HSDL2: variants seen among roughly 807,000 people sequenced by gnomAD.
HSDL2 encodes hydroxysteroid dehydrogenase like 2.
HSDL2 carries 27 observed loss-of-function variants against 46.3 expected under a neutral mutation model. The observed-to-expected ratio is 0.58, with a 90% confidence interval of 0.43 to 0.80. The LOEUF (loss-of-function observed/expected upper bound fraction) is 0.80. HSDL2 is among the 30% of genes least tolerant of loss of function. The probability of loss-of-function intolerance (pLI) is 0.00; values close to 1 mark genes in which losing one functional copy is unlikely to be tolerated. For missense variants in HSDL2, 451 were observed against 502.7 expected (o/e 0.90, Z 0.98); for synonymous variants, 153 against 163.6 (o/e 0.94, Z 0.50).
At chr9:112,421,704 T>TA (rs36065668) in intron 6 of HSDL2, among the ~76,000 whole-genome samples, 13 of 152,298 alleles carry the variant, frequency 8.5e-5, no homozygotes, top group African/African-American at 1.2e-4. Context: ...CCGGCCTTAT[T>TA]ACATTTTTGA....
intron 1 of HSDL2, among the ~76,000 whole-genome samples, chr9:112,395,577 A>C (rs1326952113): frequency 6.6e-6 from 1 of 152,266 alleles, no homozygotes; most frequent in Non-Finnish European, 1.5e-5. Flanking sequence ...TTATTGATAG[A>C]TGGTACAGTA....
intron 1 of HSDL2, among the ~76,000 whole-genome samples, chr9:112,385,609 C>T (rs1037907924): frequency 1.3e-5 from 2 of 152,028 alleles, no homozygotes; most frequent in African/African-American, 2.4e-5. Flanking sequence ...GCTTCAGCCT[C>T]CCGAGTAGCT....
chr9:112,448,788 T>G (rs1046975542), intron 8 of HSDL2, among the ~76,000 whole-genome samples: 2 of 152,096 alleles, frequency 1.3e-5, no homozygotes, highest in African/African-American at 4.8e-5. Flanking sequence ...ATCTCCTGAC[T>G]TCATGATCCA....
chr9:112,426,922 A>G (rs4978490), intron 6 of HSDL2, among the ~76,000 whole-genome samples: 42,008 of 152,090 alleles, frequency 0.28, 5,965 homozygotes, highest in Middle Eastern at 0.39. Flanking sequence ...AGAGTAGTAC[A>G]TCACGTACTA....
Position 112,403,977 on chromosome 9 carries a change from G to A in HSDL2, c.18-18G>A, listed in dbSNP as rs199661719. The A allele has an allele frequency of 3.2e-5, 52 of 1,609,648 alleles. No homozygotes were observed. The highest frequency in any genetic ancestry group is 4.0e-5 in the African/African-American group (3 of 74,766). ...AAACATTGGGTCTTCTAATAAGGTC[G>A]TATTTGTTCTGTTGTAGGAGGCTGG... On this transcript the variant is annotated intron_variant, in intron 1 of 10. Coordinates refer to ENST00000398805, the MANE Select transcript of HSDL2 (RefSeq NM_032303.5).
intron 1 of HSDL2, among the ~76,000 whole-genome samples, chr9:112,394,074 A>G (rs1831405763): frequency 6.6e-6 from 1 of 152,214 alleles, no homozygotes; most frequent in Non-Finnish European, 1.5e-5. Context: ...AAGAATTATC[A>G]TAATGCCAAT....
At chr9:112,405,862 T>G (rs775890870) in intron 3 of HSDL2, 140 bp downstream of exon 3, 12 of 596,706 alleles carry the variant, frequency 2.0e-5, no homozygotes, top group Non-Finnish European at 3.2e-5. Context: ...AGAACATGAT[T>G]TAAAACCATC....
chr9:112,435,812 A>G (rs1832511766), intron 6 of HSDL2, among the ~76,000 whole-genome samples: 1 of 152,036 alleles, frequency 6.6e-6, no homozygotes, highest in South Asian at 2.1e-4. Flanking sequence ...AGCTCACTGC[A>G]GCCTCAAATT....
intron 7 of HSDL2, 170 bp downstream of exon 7, chr9:112,438,795 G>T (rs1317036250): frequency 2.1e-6 from 1 of 472,142 alleles, no homozygotes; most frequent in African/African-American, 2.0e-5. Context: ...TAAAAAAAAA[G>T]ATGAATGAAA....
intron 1 of HSDL2, among the ~76,000 whole-genome samples, chr9:112,403,723 T>C (rs1831659217): frequency 6.6e-6 from 1 of 152,232 alleles, no homozygotes; most frequent in Admixed American, 6.5e-5. Context: ...TATAATTCTT[T>C]ATTTCTCTTG....
rs574797844 is a variant in HSDL2 at position 112,422,734 on chromosome 9, C to T, written c.598+3776C>T. ...CAGTTCCCTTGAGCTGAAGAAAGAC[C>T]GATATGGATGTAAACTAAAAGGTTT... On this transcript the variant is annotated intron_variant, in intron 6 of 10. Coordinates refer to ENST00000398805, the MANE Select transcript of HSDL2 (RefSeq NM_032303.5). Among the ~76,000 whole-genome samples, 209 of 152,156 alleles carry T rather than the reference C, an allele frequency of 1.4e-3. 1 individual carries two copies. Among genetic ancestry groups the T allele is most frequent in the African/African-American group, 4.6e-3 (192 of 41,500 alleles).
At chr9:112,392,368 G>A (rs182297804) in intron 1 of HSDL2, among the ~76,000 whole-genome samples, 67 of 152,242 alleles carry the variant, frequency 4.4e-4, no homozygotes, top group African/African-American at 1.6e-3. Context: ...GCAGAGAACC[G>A]GTTGACCACA....
intron 10 of HSDL2, among the ~76,000 whole-genome samples, chr9:112,461,226 C>T (rs895924274): frequency 2.6e-5 from 4 of 152,108 alleles, no homozygotes; most frequent in East Asian, 1.9e-4. Context: ...TACAGGTGCC[C>T]GCCACCATGC....
At chr9:112,466,178 A>T (rs2132716938) in intron 10 of HSDL2, among the ~76,000 whole-genome samples, 1 of 152,276 alleles carries the variant, frequency 6.6e-6, no homozygotes, top group South Asian at 2.1e-4. Context: ...GTGCTTATGG[A>T]TCAAAGGTAT....
intron 1 of HSDL2, among the ~76,000 whole-genome samples, chr9:112,383,164 C>T (rs1479649902): frequency 6.6e-6 from 1 of 152,064 alleles, no homozygotes; most frequent in African/African-American, 2.4e-5. Flanking sequence ...ACCTCTGCCT[C>T]CCAGGTTTAA....
rs1833132855 is a variant in HSDL2 at position 112,459,348 on chromosome 9, G to A, written c.1016-101G>A. The A allele has an allele frequency of 2.2e-6, 3 of 1,340,140 alleles. No homozygotes were observed. In the East Asian group the frequency reaches 7.3e-5, roughly 32 times the overall value. The allele number at this position is 1,340,140 out of a possible 1,614,324, so 83.0% of individuals were successfully genotyped here. A position where few individuals can be genotyped will look rare whatever the true frequency, so the allele number is the denominator to read the frequency against. On this transcript the variant is annotated intron_variant, in intron 9 of 10. Coordinates refer to ENST00000398805, the MANE Select transcript of HSDL2 (RefSeq NM_032303.5). ...GATGGAGGTCTGGGGATTTTAACTT[G>A]GAAAACAGCATTTTGTAAGATTATT...
At chr9:112,412,739 C>T (rs1725784187) in intron 4 of HSDL2, among the ~76,000 whole-genome samples, 1 of 152,028 alleles carries the variant, frequency 6.6e-6, no homozygotes, top group South Asian at 2.1e-4. Flanking sequence ...GTCTACTTTC[C>T]TATATTGAGG....
At chr9:112,455,548 G>A (rs1832997858) in intron 9 of HSDL2, among the ~76,000 whole-genome samples, 1 of 152,100 alleles carries the variant, frequency 6.6e-6, no homozygotes, top group Non-Finnish European at 1.5e-5. Flanking sequence ...AAAGTTTTGG[G>A]GGAGGAAAGC....
At chr9:112,442,504 AAGG>A (rs1295488140) in intron 8 of HSDL2, among the ~76,000 whole-genome samples, 1 of 152,170 alleles carries the variant, frequency 6.6e-6, no homozygotes, top group Non-Finnish European at 1.5e-5. Context: ...ATCAACTTCA[AAGG>A]AGGTTTGGGT....
Sources: gnomAD v4.1 joint callset for allele counts (sites outside exome capture counted in the v4.1 genomes callset) on GRCh38, gnomAD v4.1.1 for gene constraint, MANE v1.5 for transcripts, NCBI Gene and HGNC (gene_info 2026-07-23, HGNC 2026-07-21) for gene names.